Variants in ERBB4 observed in about 807,000 individuals in gnomAD.
The protein encoded by ERBB4 is receptor tyrosine-protein kinase erbB-4.
Under a neutral mutation model 158.0 loss-of-function variants are expected in ERBB4, and 42 were observed. The ratio of observed to expected loss-of-function variants is 0.27; its 90% CI spans 0.21 to 0.34. The LOEUF is 0.34. Among genes scored for constraint, ERBB4 ranks in the 10% least tolerant of loss-of-function variants. ERBB4 has a pLI of 1.00. For missense variants in ERBB4, 1,333 were observed against 1,624.1 expected, an observed-to-expected ratio of 0.82 and a Z score of 3.08; for synonymous variants, 583 against 558.7, an observed-to-expected ratio of 1.04 and a Z score of -0.61.
intron 3 of ERBB4, among the ~76,000 whole-genome samples, chr2:211,826,922 T>C (rs1249602745): frequency 1.3e-5 from 2 of 152,014 alleles, no homozygotes; most frequent in Non-Finnish European, 2.9e-5. Context: ...ATGGCTTTTG[T>C]AAAGGACTTG....
At chr2:211,504,575 A>G (rs1218463474) in intron 20 of ERBB4, among the ~76,000 whole-genome samples, 1 of 152,140 alleles carries the variant, frequency 6.6e-6, no homozygotes, top group East Asian at 1.9e-4. Flanking sequence ...ACACTCCCAA[A>G]GGACCACACT....
At chr2:212,330,753 G>A (rs1179399953) in intron 1 of ERBB4, among the ~76,000 whole-genome samples, 1 of 151,862 alleles carries the variant, frequency 6.6e-6, no homozygotes, top group Non-Finnish European at 1.5e-5. Context: ...CATTTTTAGA[G>A]ATAACTACTG....
chr2:212,235,900 C>T (rs2083852223), intron 1 of ERBB4, among the ~76,000 whole-genome samples: 1 of 152,184 alleles, frequency 6.6e-6, no homozygotes, highest in Non-Finnish European at 1.5e-5. Context: ...AATATACAAT[C>T]ATGTAATCTG....
chr2:211,593,603 T>C (rs868577734), intron 19 of ERBB4, among the ~76,000 whole-genome samples: 31 of 152,220 alleles, frequency 2.0e-4, no homozygotes, highest in African/African-American at 7.5e-4. Flanking sequence ...GTATCTTAGC[T>C]TCTCCCATCA....
intron 2 of ERBB4, among the ~76,000 whole-genome samples, chr2:212,012,985 TC>T (rs2076425534): frequency 1.3e-5 from 2 of 149,342 alleles, no homozygotes; most frequent in Non-Finnish European, 3.0e-5. Flanking sequence ...GCTCAAGCCA[TC>T]CCCCTGCCCC....
chr2:212,196,146 T>C (rs572194643), intron 1 of ERBB4, among the ~76,000 whole-genome samples: 9 of 152,228 alleles, frequency 5.9e-5, no homozygotes, highest in Non-Finnish European at 1.3e-4. Context: ...TAATTACTAA[T>C]ACTCTACTGC....
chr2:211,765,494 GA>G (rs968983728), intron 4 of ERBB4, among the ~76,000 whole-genome samples: 6 of 150,894 alleles, frequency 4.0e-5, no homozygotes, highest in East Asian at 1.9e-4. Context: ...TATCCCTCAG[GA>G]AAAAAAAATC....
At chr2:211,600,083 T>C (rs371753357) in intron 19 of ERBB4, among the ~76,000 whole-genome samples, 3 of 152,174 alleles carry the variant, frequency 2.0e-5, no homozygotes, top group Non-Finnish European at 4.4e-5. Flanking sequence ...CTTTCCACAA[T>C]AGAATGAGAT....
At chr2:212,058,301 G>A (rs2077644996) in intron 2 of ERBB4, among the ~76,000 whole-genome samples, 1 of 152,120 alleles carries the variant, frequency 6.6e-6, no homozygotes, top group Non-Finnish European at 1.5e-5. Context: ...ACAGTTAATA[G>A]CCTGCCACCC....
intron 1 of ERBB4, among the ~76,000 whole-genome samples, chr2:212,494,124 C>T (rs962264026): frequency 6.6e-6 from 1 of 151,786 alleles, no homozygotes; most frequent in African/African-American, 2.4e-5. Flanking sequence ...TCTTTTTCCA[C>T]ATTGAAACAA....
chr2:212,265,836 T>C (rs1224545204), intron 1 of ERBB4, among the ~76,000 whole-genome samples: 1 of 152,068 alleles, frequency 6.6e-6, no homozygotes, highest in Non-Finnish European at 1.5e-5. Context: ...AAACACATTT[T>C]AAATATAAAG....
At chr2:211,592,285 G>A (rs2068496989) in intron 19 of ERBB4, among the ~76,000 whole-genome samples, 1 of 152,088 alleles carries the variant, frequency 6.6e-6, no homozygotes, top group African/African-American at 2.4e-5. Context: ...GAACGTGCTG[G>A]GAGTCAGCTT....
chr2:211,433,576 C>CA (rs143672010), intron 20 of ERBB4, among the ~76,000 whole-genome samples: 21,137 of 143,476 alleles, frequency 0.15, 1,716 homozygotes, highest in African/African-American at 0.25. Context: ...GTGAGACTCT[C>CA]AAAAAAAAAT....
chr2:211,415,023 T>C (rs527662465), intron 25 of ERBB4, among the ~76,000 whole-genome samples: 1 of 151,732 alleles, frequency 6.6e-6, no homozygotes, highest in East Asian at 1.9e-4. Flanking sequence ...TTATTATTAT[T>C]ATTACTATTT....
chr2:211,905,059 C>T (rs1394349375), intron 3 of ERBB4, among the ~76,000 whole-genome samples: 1 of 152,086 alleles, frequency 6.6e-6, no homozygotes, highest in Admixed American at 6.6e-5. Context: ...CACAAACTTA[C>T]CGCAAATTTA....
In ERBB4 at chr2:211,435,442, C is replaced by T. The variant is rs570009189; in HGVS notation, c.2488-4342G>A. On this transcript the variant is annotated intron_variant, in intron 20 of 27. Transcript: ENST00000342788. ...TAAATATGAGAAAACAAAGGCTAGG[C>T]GAGGTCAAGTTACTTGCTCCAAGTT... Among the ~76,000 whole-genome samples the T allele has an allele frequency of 3.9e-5, 6 of 152,292 alleles. No homozygotes were observed. The South Asian group carries it at 1.2e-3, about 32-fold the overall frequency.
At chr2:212,167,651 T>A (rs1264866422) in intron 1 of ERBB4, among the ~76,000 whole-genome samples, 1 of 152,310 alleles carries the variant, frequency 6.6e-6, no homozygotes, top group South Asian at 2.1e-4. Context: ...GTATGTTTAC[T>A]GCAGCATTAT....
intron 3 of ERBB4, among the ~76,000 whole-genome samples, chr2:211,902,354 C>A (rs993812308): frequency 6.6e-6 from 1 of 151,878 alleles, no homozygotes; most frequent in Admixed American, 6.6e-5. Context: ...AACAAGCAAG[C>A]ATTTTTAATA....
intron 1 of ERBB4, among the ~76,000 whole-genome samples, chr2:212,198,537 T>C (rs1361285349): frequency 1.3e-5 from 2 of 152,122 alleles, no homozygotes; most frequent in Non-Finnish European, 2.9e-5. Flanking sequence ...GTGTTAGAAT[T>C]CAATCCTTCT....
Sources: allele counts gnomAD v4.1 joint callset (sites outside exome capture counted in the v4.1 genomes callset), GRCh38; gene constraint gnomAD v4.1.1; transcripts MANE v1.5; gene names NCBI Gene and HGNC (gene_info 2026-07-23, HGNC 2026-07-21).